KHDRBS2: variants seen among roughly 807,000 people sequenced by gnomAD.
The protein encoded by KHDRBS2 is KH RNA binding domain containing, signal transduction associated 2, also known as KH domain-containing, RNA-binding, signal transduction-associated protein 2.
A neutral mutation model predicts 44.3 loss-of-function variants in KHDRBS2; 26 were observed. The observed-to-expected ratio is 0.59, with a 90% CI of 0.43 to 0.81. The LOEUF (loss-of-function observed/expected upper bound fraction) is 0.81. Among genes scored for constraint, KHDRBS2 ranks in the 40% least tolerant of loss-of-function variants. The pLI, the probability that KHDRBS2 is intolerant of heterozygous loss-of-function variation, is 0.00. For missense variants in KHDRBS2, 476 were observed against 433.1 expected, an observed-to-expected ratio of 1.10 and a Z score of -0.88; for synonymous variants, 194 against 151.1, an observed-to-expected ratio of 1.28 and a Z score of -2.08.
the KHDRBS2 span, among the ~76,000 whole-genome samples, chr6:61,556,114 G>C: frequency 6.6e-6 from 1 of 152,192 alleles, no homozygotes; most frequent in Non-Finnish European, 1.5e-5. Context: ...CCAAGGTGCA[G>C]GATGGAGGAG....
chr6:62,098,647 C>A (rs535719238), intron 2 of KHDRBS2, among the ~76,000 whole-genome samples: 1 of 152,256 alleles, frequency 6.6e-6, no homozygotes, highest in African/African-American at 2.4e-5. Context: ...TTAATCTAAG[C>A]GGCTTTTGGC....
At chr6:61,585,234 G>C in the KHDRBS2 span, among the ~76,000 whole-genome samples, 1 of 151,814 alleles carries the variant, frequency 6.6e-6, no homozygotes, top group Non-Finnish European at 1.5e-5. Flanking sequence ...AGTAAAACTA[G>C]AGAAACCATC....
intron 2 of KHDRBS2, among the ~76,000 whole-genome samples, chr6:62,125,134 A>C (rs746153841): frequency 1.4e-4 from 22 of 152,200 alleles, no homozygotes; most frequent in Non-Finnish European, 2.5e-4. Context: ...GACAGTCTTG[A>C]ATTGCCCATG....
the KHDRBS2 span, among the ~76,000 whole-genome samples, chr6:61,661,886 G>T: frequency 2.5e-3 from 386 of 152,018 alleles, 1 homozygote; most frequent in African/African-American, 8.0e-3. Context: ...TCACAGAATT[G>T]GGAAAAGCTA....
At chr6:62,040,272 C>T (rs755046292) in intron 3 of KHDRBS2, among the ~76,000 whole-genome samples, 12 of 151,924 alleles carry the variant, frequency 7.9e-5, no homozygotes, top group South Asian at 2.1e-4. Flanking sequence ...CACACACACC[C>T]GTCTAGAAAT....
chr6:62,078,907 C>T (rs1181884617), intron 2 of KHDRBS2, among the ~76,000 whole-genome samples: 2 of 152,024 alleles, frequency 1.3e-5, no homozygotes, highest in Non-Finnish European at 2.9e-5. Context: ...AAGACTTGCT[C>T]TTAGAGAAGT....
At chr6:62,160,324 A>T (rs1817359081) in intron 2 of KHDRBS2, among the ~76,000 whole-genome samples, 1 of 152,146 alleles carries the variant, frequency 6.6e-6, no homozygotes, top group Non-Finnish European at 1.5e-5. Context: ...GAAGGCTGCT[A>T]TATTAAATAG....
chr6:62,120,386 A>T (rs1353676079), intron 2 of KHDRBS2, among the ~76,000 whole-genome samples: 2 of 152,198 alleles, frequency 1.3e-5, no homozygotes, highest in Non-Finnish European at 2.9e-5. Flanking sequence ...GAGCATCTGC[A>T]TCCTTGAAGA....
chr6:61,916,336 A>G (rs1164731806), intron 4 of KHDRBS2, among the ~76,000 whole-genome samples: 4 of 152,116 alleles, frequency 2.6e-5, no homozygotes, highest in African/African-American at 7.2e-5. Flanking sequence ...TTGCAACACA[A>G]CTGGAGTTTT....
intron 2 of KHDRBS2, among the ~76,000 whole-genome samples, chr6:62,132,255 G>A (rs1190541349): frequency 1.3e-5 from 2 of 152,168 alleles, no homozygotes; most frequent in Non-Finnish European, 2.9e-5. Flanking sequence ...TGTCAGCTAA[G>A]TCATTCTTAA....
At chr6:62,049,143 G>A (rs1398136237) in intron 2 of KHDRBS2, among the ~76,000 whole-genome samples, 4 of 151,810 alleles carry the variant, frequency 2.6e-5, no homozygotes, top group South Asian at 2.1e-4. Flanking sequence ...ATTGTTGTAC[G>A]TATAGGTAAA....
chr6:61,548,840 C>G, the KHDRBS2 span, among the ~76,000 whole-genome samples: 2 of 152,098 alleles, frequency 1.3e-5, no homozygotes, highest in African/African-American at 4.8e-5. Flanking sequence ...TAATATCAAC[C>G]TAGACCAGGG....
chr6:62,008,274 AT>A (rs926950017), intron 3 of KHDRBS2, among the ~76,000 whole-genome samples: 2 of 151,632 alleles, frequency 1.3e-5, no homozygotes, highest in South Asian at 2.1e-4. Context: ...CATGAGAGGA[AT>A]TTTTTTTTAA....
chr6:62,047,438 T>C (rs1787962988), intron 3 of KHDRBS2, among the ~76,000 whole-genome samples: 1 of 151,840 alleles, frequency 6.6e-6, no homozygotes, highest in African/African-American at 2.4e-5. Context: ...CAGATAAGTA[T>C]TAGAAATTGC....
intron 2 of KHDRBS2, among the ~76,000 whole-genome samples, chr6:62,170,901 A>C (rs1452599382): frequency 6.7e-6 from 1 of 148,784 alleles, no homozygotes; most frequent in Non-Finnish European, 1.5e-5. Flanking sequence ...AGTTGACTGA[A>C]CCCGCCTTAT....
chr6:62,266,423 T>C (rs566693864), intron 1 of KHDRBS2, among the ~76,000 whole-genome samples: 1 of 152,152 alleles, frequency 6.6e-6, no homozygotes, highest in East Asian at 1.9e-4. Context: ...GCTGATGAAA[T>C]TCAAGTAAAT....
intron 6 of KHDRBS2, among the ~76,000 whole-genome samples, chr6:61,887,856 C>T (rs956110481): frequency 2.6e-5 from 4 of 152,114 alleles, no homozygotes; most frequent in African/African-American, 9.7e-5. Flanking sequence ...AAAATTAGAG[C>T]AGAGAGTAGC....
chr6:62,100,910 T>C (rs756470286), intron 2 of KHDRBS2, among the ~76,000 whole-genome samples: 27 of 152,176 alleles, frequency 1.8e-4, no homozygotes, highest in Non-Finnish European at 3.7e-4. Flanking sequence ...ATGAAAGCTA[T>C]TGTATTACAG....
intron 4 of KHDRBS2, among the ~76,000 whole-genome samples, chr6:61,934,688 C>T (rs1374614057): frequency 1.3e-5 from 2 of 152,082 alleles, no homozygotes; most frequent in Admixed American, 6.6e-5. Flanking sequence ...AAATAAACTT[C>T]ATGTTGTGAT....
Sources: gnomAD v4.1 joint callset for allele counts (sites outside exome capture counted in the v4.1 genomes callset) on GRCh38, gnomAD v4.1.1 for gene constraint, MANE v1.5 for transcripts, NCBI Gene and HGNC (gene_info 2026-07-23, HGNC 2026-07-21) for gene names.